SWAP70: variants seen among roughly 807,000 people sequenced by gnomAD.
The protein encoded by SWAP70 is switch-associated protein 70.
SWAP70 carries 34 observed loss-of-function variants against 80.2 expected under a neutral mutation model. The ratio of observed to expected loss-of-function variants is 0.42; its 90% CI spans 0.32 to 0.56. SWAP70 has a LOEUF of 0.56. Ranked by LOEUF, SWAP70 falls within the 20% of genes least tolerant of loss-of-function variation. The pLI is 0.09. For synonymous variants in SWAP70, 239 were observed against 238.5 expected, an observed-to-expected ratio of 1.00 and a Z score of -0.02; for missense variants, 578 against 690.7, an observed-to-expected ratio of 0.84 and a Z score of 1.83.
Position 9,688,155 on chromosome 11 carries a change from C to T in SWAP70, c.100-5991C>T, listed in dbSNP as rs189987627. ...GATTATTGTTAATATTAAAGTATCA[C>T]GGCTTTAGTGTTAAGAGAATTTTTA... On this transcript the variant is annotated intron_variant, in intron 1 of 11. Coordinates refer to ENST00000318950, the MANE Select transcript of SWAP70 (RefSeq NM_015055.4). 1.1e-3 allele frequency among the ~76,000 whole-genome samples: 170 copies of T among 152,312 alleles called. 3 individuals carry two copies. The highest frequency in any genetic ancestry group is 3.7e-3 in the African/African-American group (155 of 41,560).
intron 3 of SWAP70, among the ~76,000 whole-genome samples, chr11:9,714,044 T>C (rs1237886977): frequency 6.6e-6 from 1 of 152,210 alleles, no homozygotes; most frequent in Admixed American, 6.5e-5. Flanking sequence ...GTAAATACTA[T>C]TCTTGTTTCA....
At chr11:9,697,719 C>T (rs550335691) in intron 2 of SWAP70, among the ~76,000 whole-genome samples, 1 of 152,286 alleles carries the variant, frequency 6.6e-6, no homozygotes, top group South Asian at 2.1e-4. Flanking sequence ...ATACAAGTTC[C>T]TGATCTTTCT....
At chr11:9,732,812 G>A in intron 7 of SWAP70, 102 bp downstream of exon 7, 3 of 1,105,384 alleles carry the variant, frequency 2.7e-6, no homozygotes, top group Non-Finnish European at 2.5e-6. Context: ...ATGTAGTGCA[G>A]TTTTAGGGAG....
At chr11:9,744,885 G>GA (rs576915597) in intron 9 of SWAP70, among the ~76,000 whole-genome samples, 344 of 151,818 alleles carry the variant, frequency 2.3e-3, no homozygotes, top group African/African-American at 7.5e-3. Context: ...TCTCAAAAAA[G>GA]AAAAAAACAA....
rs373721194 is a variant in SWAP70 at position 9,694,126 on chromosome 11, G to T, written c.100-20G>T. On this transcript the variant is annotated intron_variant, in intron 1 of 11. Transcript: ENST00000318950. Reference sequence around the variant, plus strand: ...TGCTGGTTAGTGGGAGTCTTTAAACGATTTTCTTTTCCCTTGCAGGTCCTT... The same window carrying T: ...TGCTGGTTAGTGGGAGTCTTTAAACTATTTTCTTTTCCCTTGCAGGTCCTT... 1.3e-6 allele frequency: 2 copies of T among 1,577,848 alleles called. No homozygotes were observed. Among genetic ancestry groups the T allele is most frequent in the Admixed American group, 1.8e-5 (1 of 54,392 alleles).
At chr11:9,693,614 T>C (rs1850720751) in intron 1 of SWAP70, among the ~76,000 whole-genome samples, 1 of 152,234 alleles carries the variant, frequency 6.6e-6, no homozygotes, top group Non-Finnish European at 1.5e-5. Context: ...TCCTAATTAA[T>C]ATTTGGTATA....
At chr11:9,715,096 T>C (rs1375397359) in intron 3 of SWAP70, among the ~76,000 whole-genome samples, 1 of 150,894 alleles carries the variant, frequency 6.6e-6, no homozygotes, top group African/African-American at 2.4e-5. Context: ...TGTCTCAGCC[T>C]ACTGAGTAGC....
chr11:9,694,215 A>G lies in SWAP70; in HGVS notation c.169A>G (p.Arg57Gly). The part of the protein sequence containing the change: ...HDPVALEEHF[R>G]DDDEGPVSNQ... ...CCCAGTTGCCCTTGAAGAGCACTTCAGGGATGATGATGAGGGTCCAGTGTC... is the reference window on the plus strand; with the variant it reads ...CCCAGTTGCCCTTGAAGAGCACTTCGGGGATGATGATGAGGGTCCAGTGTC... The change falls in exon 2 of 12, where the codon AGG (arginine) becomes GGG (glycine). Residue 57 changes from arginine to glycine, a missense_variant. Coordinates refer to ENST00000318950, the MANE Select transcript of SWAP70 (RefSeq NM_015055.4). The G allele has an allele frequency of 3.7e-6, 6 of 1,613,312 alleles. No individual in the cohort carries two copies. The highest frequency in any genetic ancestry group is 5.1e-6 in the Non-Finnish European group (6 of 1,179,654).
intron 7 of SWAP70, 90 bp downstream of exon 7, chr11:9,732,800 G>T: frequency 1.6e-6 from 2 of 1,261,782 alleles, no homozygotes; most frequent in Non-Finnish European, 2.2e-6. Flanking sequence ...CTACCAAGAT[G>T]AATGTAGTGC....
rs569346603 is a variant in SWAP70 at position 9,738,426 on chromosome 11, T to A, written c.1188+106T>A. The A allele has an allele frequency of 4.2e-6, 3 of 712,478 alleles. No homozygotes were observed. The South Asian group carries it at 7.7e-5, about 18-fold the overall frequency. 44.1% of individuals were successfully genotyped at this position (712,478 alleles called of 1,614,324 possible). Reference sequence around the variant, plus strand: ...GTGAGGCATGTCATCAGCTTGGCTTTGCTACTGACCTGGAATGGGCTGTAG... The same window carrying A: ...GTGAGGCATGTCATCAGCTTGGCTTAGCTACTGACCTGGAATGGGCTGTAG... On this transcript the variant is annotated intron_variant, in intron 8 of 11. Transcript: ENST00000318950.
At chr11:9,695,622 G>C (rs1198485107) in intron 2 of SWAP70, among the ~76,000 whole-genome samples, 1 of 150,870 alleles carries the variant, frequency 6.6e-6, no homozygotes. Context: ...ATCTGTTGGG[G>C]GTTGGGGGAT....
At chr11:9,667,534 G>A (rs911150755) in intron 1 of SWAP70, among the ~76,000 whole-genome samples, 1 of 152,068 alleles carries the variant, frequency 6.6e-6, no homozygotes, top group Admixed American at 6.5e-5. Flanking sequence ...ATTCAGATAT[G>A]AGCCACCTTG....
At chr11:9,703,710 G>A (rs765313123) in intron 2 of SWAP70, among the ~76,000 whole-genome samples, 1 of 152,166 alleles carries the variant, frequency 6.6e-6, no homozygotes, top group Non-Finnish European at 1.5e-5. Context: ...CTGGTTCACT[G>A]TTATCCAGCT....
chr11:9,700,488 A>C (rs1278401343), intron 2 of SWAP70, among the ~76,000 whole-genome samples: 1 of 152,238 alleles, frequency 6.6e-6, no homozygotes, highest in Non-Finnish European at 1.5e-5. Flanking sequence ...AATATGAAAT[A>C]GTTATTAAAC....
intron 1 of SWAP70, among the ~76,000 whole-genome samples, chr11:9,682,593 A>G (rs1850581208): frequency 6.6e-6 from 1 of 152,194 alleles, no homozygotes; most frequent in Non-Finnish European, 1.5e-5. Flanking sequence ...TTTTCTTTTT[A>G]TAAATGTTTA....
rs1850283237 is a variant in SWAP70, at chr11:9,664,382, CG to C, written c.99+107del. 8 of 1,343,852 alleles carry C rather than the reference CG, an allele frequency of 6.0e-6. No homozygotes were observed. In the Admixed American group the frequency reaches 1.2e-4, roughly 20 times the overall value. 83.2% of individuals were successfully genotyped at this position (1,343,852 alleles called of 1,614,324 possible). ...GGCGGGCCGTGACCGCAGGGCGGGGCGGGTCGGAATGCGCCCGGTAGGCCCG... is the reference window on the plus strand; with the variant it reads ...GGCGGGCCGTGACCGCAGGGCGGGGCGGTCGGAATGCGCCCGGTAGGCCCG... On this transcript the variant is annotated intron_variant, in intron 1 of 11. Coordinates refer to ENST00000318950, the MANE Select transcript of SWAP70 (RefSeq NM_015055.4).
At chr11:9,703,820 A>G (rs899080994) in intron 2 of SWAP70, among the ~76,000 whole-genome samples, 4 of 152,320 alleles carry the variant, frequency 2.6e-5, no homozygotes, top group African/African-American at 7.2e-5. Flanking sequence ...ACAAAACTGA[A>G]TAAGATATGG....
intron 4 of SWAP70, chr11:9,726,842 G>A: frequency 2.2e-6 from 1 of 456,158 alleles, no homozygotes; most frequent in Non-Finnish European, 4.4e-6. Flanking sequence ...GAACTAGTGA[G>A]TGTGAGCTTA....
chr11:9,684,526 C>T (rs1659227729), intron 1 of SWAP70, among the ~76,000 whole-genome samples: 1 of 152,148 alleles, frequency 6.6e-6, no homozygotes, highest in Non-Finnish European at 1.5e-5. Context: ...TCTCTCACAC[C>T]TGCTTGTTAA....
Sources: gnomAD v4.1 joint callset for allele counts (sites outside exome capture counted in the v4.1 genomes callset) on GRCh38, gnomAD v4.1.1 for gene constraint, MANE v1.5 for transcripts, NCBI Gene and HGNC (gene_info 2026-07-23, HGNC 2026-07-21) for gene names.